SLC35D2: variants seen among roughly 807,000 people sequenced by gnomAD.
SLC35D2 encodes solute carrier family 35 member D2.
SLC35D2 carries 43 observed loss-of-function variants against 41.8 expected under a neutral mutation model. The observed-to-expected ratio is 1.03, with a 90% CI of 0.81 to 1.33. SLC35D2 has a LOEUF of 1.33. SLC35D2 is among the 40% of genes most tolerant of loss of function. The pLI is 0.00. For synonymous variants in SLC35D2, 150 were observed against 163.9 expected (o/e 0.92, Z 0.65); for missense variants, 380 against 408.4 (o/e 0.93, Z 0.60).
chr9:96,371,317 T>G (rs1587718756), intron 1 of SLC35D2, among the ~76,000 whole-genome samples: 1 of 151,214 alleles, frequency 6.6e-6, no homozygotes, highest in Non-Finnish European at 1.5e-5. Flanking sequence ...AATACAAAAA[T>G]TAGCCAGGCG....
chr9:96,363,466 G>A (rs1830360746), intron 3 of SLC35D2, among the ~76,000 whole-genome samples: 1 of 152,172 alleles, frequency 6.6e-6, no homozygotes. Flanking sequence ...CCTAAATGCT[G>A]TCATAATCCA....
chr9:96,351,067 A>G, intron 6 of SLC35D2, 36 bp downstream of exon 6: 1 of 1,501,040 alleles, frequency 6.7e-7, no homozygotes, highest in East Asian at 2.3e-5. Context: ...CAAAGACACA[A>G]AGAAGTTATT....
intron 1 of SLC35D2, among the ~76,000 whole-genome samples, chr9:96,372,110 G>A (rs1830723718): frequency 6.6e-6 from 1 of 152,182 alleles, no homozygotes; most frequent in Non-Finnish European, 1.5e-5. Flanking sequence ...GACCCGAGCT[G>A]TGGCCACTCC....
At position 96,324,461 on chromosome 9, in the gene SLC35D2, T is replaced by G. The variant is rs76549121; in HGVS notation, c.753-292A>C. ...TGGGAGTAAGGAGAACAAGGTTTAATGACCTGAAATCTCTCATTTATCAGC... is the reference window on the plus strand; with the variant it reads ...TGGGAGTAAGGAGAACAAGGTTTAAGGACCTGAAATCTCTCATTTATCAGC... On this transcript the variant is annotated intron_variant, in intron 9 of 11. Transcript: ENST00000253270. Among the ~76,000 whole-genome samples, 581 of 152,116 alleles carry G rather than the reference T, an allele frequency of 3.8e-3. 5 individuals carry two copies. Among genetic ancestry groups the G allele is most frequent in the Middle Eastern group, 0.038 (11 of 292 alleles).
intron 4 of SLC35D2, among the ~76,000 whole-genome samples, chr9:96,352,481 C>T (rs1403126031): frequency 6.6e-6 from 1 of 151,888 alleles, no homozygotes; most frequent in East Asian, 2.0e-4. Context: ...GCCACAACAC[C>T]CGGCTAATTT....
Position 96,349,357 on chromosome 9 carries a change from T to C in SLC35D2, c.488+1746A>G, listed in dbSNP as rs563257182. On this transcript the variant is annotated intron_variant, in intron 6 of 11. Transcript: ENST00000253270. The stretch of plus-strand genomic sequence containing the variant: ...TCCATTCATTCTCTCCAGGCATCAT[T>C]TCTGAACTCCCAAAAGCATTGTCCC... 3.9e-5 allele frequency among the ~76,000 whole-genome samples: 6 copies of C among 152,162 alleles called. No individual in the cohort carries two copies. In the East Asian group the frequency reaches 1.2e-3, roughly 29 times the overall value.
At position 96,343,836 on chromosome 9, in the gene SLC35D2, A is replaced by G. The variant is rs181360385; in HGVS notation, c.684+68T>C. On this transcript the variant is annotated intron_variant, in intron 8 of 11. Coordinates refer to ENST00000253270, the MANE Select transcript of SLC35D2 (RefSeq NM_007001.3). ...CTTTACACTTTTTGTTTCAGTGCATATCAAATGTTAAATATTAAATTTTTT... is the reference window on the plus strand; with the variant it reads ...CTTTACACTTTTTGTTTCAGTGCATGTCAAATGTTAAATATTAAATTTTTT... The G allele has an allele frequency of 3.8e-5, 39 of 1,038,130 alleles. No homozygotes were observed. In the Admixed American group the frequency reaches 8.2e-4, roughly 22 times the overall value. The allele number at this position is 1,038,130 out of a possible 1,614,324, so 64.3% of individuals were successfully genotyped here.
In SLC35D2 at chr9:96,359,047, G is replaced by A. The variant is rs141606801; in HGVS notation, c.347+1107C>T. On this transcript the variant is annotated intron_variant, in intron 4 of 11. Coordinates refer to ENST00000253270, the MANE Select transcript of SLC35D2 (RefSeq NM_007001.3). ...TGGCCGGGTGCGGTGGCTCATGCCT[G>A]TAATCCCAGCACTTTGAGAGGCTGA... 1.2e-3 allele frequency among the ~76,000 whole-genome samples: 176 copies of A among 152,198 alleles called. 2 individuals carry two copies. The East Asian group carries it at 0.028, about 24-fold the overall frequency.
intron 6 of SLC35D2, among the ~76,000 whole-genome samples, chr9:96,348,144 T>A (rs144406224): frequency 6.6e-6 from 1 of 152,180 alleles, no homozygotes; most frequent in Non-Finnish European, 1.5e-5. Flanking sequence ...CCAAGAACCC[T>A]CTCTTGGGGT....
chr9:96,315,053 T>G (rs1199684759), intron 11 of SLC35D2, among the ~76,000 whole-genome samples: 7 of 152,228 alleles, frequency 4.6e-5, no homozygotes, highest in Admixed American at 2.0e-4. Flanking sequence ...TTTATAGTTT[T>G]TGCCAGCTTT....
intron 9 of SLC35D2, among the ~76,000 whole-genome samples, chr9:96,327,968 T>C (rs1056176770): frequency 2.6e-5 from 4 of 151,902 alleles, no homozygotes; most frequent in Admixed American, 2.6e-4. Context: ...AGGGCAAATA[T>C]AGAACCACCA....
At chr9:96,336,922 C>T in intron 8 of SLC35D2, 138 bp from the exon 9 acceptor site, 1 of 592,978 alleles carries the variant, frequency 1.7e-6, no homozygotes. Context: ...CTAGGTCATA[C>T]TAGTTGTGGG....
chr9:96,381,191 CAT>C (rs1831184867), intron 1 of SLC35D2, among the ~76,000 whole-genome samples: 2 of 152,232 alleles, frequency 1.3e-5, no homozygotes, highest in African/African-American at 4.8e-5. Flanking sequence ...TTGCATTTAG[CAT>C]GAAACTACAA....
intron 10 of SLC35D2, among the ~76,000 whole-genome samples, chr9:96,322,375 G>A (rs960715498): frequency 2.0e-5 from 3 of 151,992 alleles, no homozygotes; most frequent in African/African-American, 7.3e-5. Flanking sequence ...TTTAAAAGTA[G>A]CCGGGCATGG....
At chr9:96,376,957 C>T (rs968136275) in intron 1 of SLC35D2, among the ~76,000 whole-genome samples, 2 of 150,792 alleles carry the variant, frequency 1.3e-5, no homozygotes, top group African/African-American at 4.9e-5. Flanking sequence ...ATGTGGTTTT[C>T]GGCTCACAAC....
intron 8 of SLC35D2, among the ~76,000 whole-genome samples, chr9:96,343,285 G>T (rs1351728647): frequency 6.6e-6 from 1 of 152,168 alleles, no homozygotes; most frequent in Non-Finnish European, 1.5e-5. Flanking sequence ...CAGCAGATAC[G>T]GTTTCAGGGC....
chr9:96,360,286 T>A, intron 3 of SLC35D2, 65 bp from the exon 4 acceptor site: 1 of 1,261,688 alleles, frequency 7.9e-7, no homozygotes, highest in Non-Finnish European at 1.1e-6. Flanking sequence ...CCTTCACATA[T>A]AAAAATGGTG....
intron 9 of SLC35D2, among the ~76,000 whole-genome samples, chr9:96,334,165 G>A (rs997720000): frequency 6.6e-6 from 1 of 152,166 alleles, no homozygotes; most frequent in Non-Finnish European, 1.5e-5. Context: ...TGAATGGGGA[G>A]GAAGTTTGGC....
chr9:96,322,723 T>G (rs10114540), intron 10 of SLC35D2, among the ~76,000 whole-genome samples: 21,017 of 140,682 alleles, frequency 0.15, 1,936 homozygotes, highest in East Asian at 0.3. Context: ...TGGGGTTTTT[T>G]TTTTTTTTTT....
Sources: gnomAD v4.1 joint callset for allele counts (sites outside exome capture counted in the v4.1 genomes callset) on GRCh38, gnomAD v4.1.1 for gene constraint, MANE v1.5 for transcripts, NCBI Gene and HGNC (gene_info 2026-07-23, HGNC 2026-07-21) for gene names.